Variants in JADE1 observed in about 807,000 individuals in gnomAD.
The protein encoded by JADE1 is protein Jade-1.
A neutral mutation model predicts 81.8 loss-of-function variants in JADE1; 14 were observed. The observed-to-expected ratio is 0.17, with a 90% CI of 0.11 to 0.27. The LOEUF (loss-of-function observed/expected upper bound fraction) is 0.27. JADE1 is among the 10% of genes least tolerant of loss of function. JADE1 has a pLI of 1.00. For missense variants in JADE1, 690 were observed against 1,047.9 expected, an observed-to-expected ratio of 0.66 and a Z score of 4.71; for synonymous variants, 353 against 391.9, an observed-to-expected ratio of 0.90 and a Z score of 1.17.
rs1489425917 is a variant in JADE1 at position 128,874,745 on chromosome 4, T to TTATC, written c.*2485_*2488dup. 1 of 152,624 alleles carries TTATC rather than the reference T, an allele frequency of 6.6e-6. No individual in the cohort carries two copies. The highest frequency in any genetic ancestry group is 2.4e-5 in the African/African-American group (1 of 41,446). 9.5% of individuals were successfully genotyped at this position (152,624 alleles called of 1,614,324 possible). A position where few individuals can be genotyped will look rare whatever the true frequency, so the allele number is the denominator to read the frequency against. On this transcript the variant is annotated 3_prime_UTR_variant, in exon 11 of 11. Transcript: ENST00000226319. ...CATTTGCATTTGTTTTTTTTAAGCT[T>TTATC]TATCTTTCCTTGTGCATCCTGACCA...
chr4:128,819,898 G>C (rs539802354), intron 1 of JADE1, among the ~76,000 whole-genome samples: 204 of 152,300 alleles, frequency 1.3e-3, no homozygotes, highest in Middle Eastern at 6.8e-3. Context: ...CACAGGAGGA[G>C]AGTGCCCCTC....
chr4:128,839,491 T>C lies in JADE1; in HGVS notation c.53-3462T>C, dbSNP rs189368935. 3.9e-5 allele frequency among the ~76,000 whole-genome samples: 6 copies of C among 152,350 alleles called. No individual in the cohort carries two copies. In the East Asian group the frequency reaches 1.2e-3, roughly 29 times the overall value. The stretch of plus-strand genomic sequence containing the variant: ...GCCTCTGAGCCTCATATATTTAAAT[T>C]GTGTACTTTGATACGTTTTGACATG... On this transcript the variant is annotated intron_variant, in intron 2 of 10. Coordinates refer to ENST00000226319, the MANE Select transcript of JADE1 (RefSeq NM_199320.4).
intron 1 of JADE1, among the ~76,000 whole-genome samples, chr4:128,814,532 G>T (rs576880787): frequency 6.6e-6 from 1 of 151,230 alleles, no homozygotes; most frequent in Non-Finnish European, 1.5e-5. Flanking sequence ...TAATAAAAAT[G>T]AGATACATGA....
chr4:128,833,577 C>T (rs1415262508), intron 2 of JADE1, among the ~76,000 whole-genome samples: 1 of 152,054 alleles, frequency 6.6e-6, no homozygotes, highest in East Asian at 1.9e-4. Flanking sequence ...TGCCTGTAGT[C>T]CAGCTACTCG....
chr4:128,859,183 T>C (rs115486685), intron 8 of JADE1, among the ~76,000 whole-genome samples: 2,337 of 151,994 alleles, frequency 0.015, 28 homozygotes, highest in Non-Finnish European at 0.024. Context: ...TGTGTGTGTG[T>C]ATGCATGTGT....
At chr4:128,834,244 A>C (rs1349411247) in intron 2 of JADE1, among the ~76,000 whole-genome samples, 3 of 152,206 alleles carry the variant, frequency 2.0e-5, no homozygotes, top group Non-Finnish European at 2.9e-5. Flanking sequence ...AGTCCAAGGT[A>C]CTGGCAGGTG....
At chr4:128,848,511 C>CT (rs543665126) in intron 4 of JADE1, among the ~76,000 whole-genome samples, 81 of 151,668 alleles carry the variant, frequency 5.3e-4, no homozygotes, top group African/African-American at 1.8e-3. Flanking sequence ...CTCTCTCCCT[C>CT]TTTTTTTTTG....
At chr4:128,818,180 G>A (rs1284211771) in intron 1 of JADE1, among the ~76,000 whole-genome samples, 6 of 151,930 alleles carry the variant, frequency 3.9e-5, no homozygotes, top group Non-Finnish European at 8.8e-5. Context: ...GAGTGCAGTG[G>A]CATGATCTGG....
intron 2 of JADE1, among the ~76,000 whole-genome samples, chr4:128,835,125 A>G (rs74351036): frequency 2.0e-5 from 3 of 152,300 alleles, no homozygotes; most frequent in African/African-American, 7.2e-5. Context: ...GAATTAAGGT[A>G]AATATTTATA....
At position 128,871,934 on chromosome 4, in the gene JADE1, C is replaced by T; in HGVS notation, c.2201C>T (p.Ala734Val). Residue 734 changes from alanine (A) to valine (V), a missense_variant, in exon 11 of 11, where the codon GCA becomes GTA. By Grantham distance (64) the Ala-to-Val change is moderately conservative (BLOSUM62 0). Coordinates refer to ENST00000226319, the MANE Select transcript of JADE1 (RefSeq NM_199320.4). The surrounding 1 kb of genome is among the most constrained non-coding windows in gnomAD (Gnocchi z 4.1). ...SLIKVNYNQT[A>V]VKVPTTPASP... ...ATCAAAGTAAACTATAATCAGACTG[C>T]AGTCAAAGTGCCTACAACACCTGCC... The T allele has an allele frequency of 6.2e-7, 1 of 1,614,032 alleles. No individual in the cohort carries two copies. The highest frequency in any genetic ancestry group is 2.2e-5 in the East Asian group (1 of 44,822).
chr4:128,839,657 C>CT (rs67592201), intron 2 of JADE1, among the ~76,000 whole-genome samples: 41 of 148,192 alleles, frequency 2.8e-4, no homozygotes, highest in South Asian at 6.4e-4. Flanking sequence ...AATATGGACT[C>CT]TTTTTTTTTT....
intron 1 of JADE1, among the ~76,000 whole-genome samples, chr4:128,818,136 T>C (rs1727208743): frequency 6.6e-6 from 1 of 152,072 alleles, no homozygotes; most frequent in East Asian, 1.9e-4. Flanking sequence ...CTTTTTTTTT[T>C]TTGAGATAGA....
At chr4:128,835,847 A>G (rs1728937680) in intron 2 of JADE1, among the ~76,000 whole-genome samples, 1 of 152,184 alleles carries the variant, frequency 6.6e-6, no homozygotes, top group African/African-American at 2.4e-5. Context: ...GTCCAGAGGA[A>G]TACCAGTGTG....
chr4:128,852,149 G>A lies in JADE1; in HGVS notation c.577G>A (p.Glu193Lys). 6.2e-7 allele frequency: 1 copy of A among 1,614,168 alleles called. No individual in the cohort carries two copies. The highest frequency in any genetic ancestry group is 8.5e-7 in the Non-Finnish European group (1 of 1,180,002). The change falls in exon 6 of 11, where the codon GAG becomes AAG. Residue 193 changes from glutamate to lysine, a missense_variant. Around this residue, in one of 8 missense-constraint regions of JADE1, gnomAD observed 84 missense variants for 226.6 expected, o/e 0.37. Transcript: ENST00000226319. ...YDNMNHAIET[E>K]EGLGIEYDED... ...CAATATGAATCATGCCATAGAGACT[G>A]AGGAAGGCCTGGGGATCGAATATGA...
Position 128,852,078 on chromosome 4 carries a change from A to G in JADE1, c.506A>G (p.Tyr169Cys). The change falls in exon 6 of 11, where the codon TAC (tyrosine) becomes TGC (cysteine). Residue 169 changes from tyrosine (Y) to cysteine (C), a missense_variant. Tyr to Cys is a radical substitution (Grantham distance 194). Coordinates refer to ENST00000226319, the MANE Select transcript of JADE1 (RefSeq NM_199320.4). Reference protein sequence around the residue: ...KEMGMPELDEYTMERVLEEFE... With the variant: ...KEMGMPELDECTMERVLEEFE... Reference sequence around the variant, plus strand: ...TCAGGAATGCCTGAACTAGATGAATACACCATGGAGAGGGTCCTAGAGGAA... The same window carrying G: ...TCAGGAATGCCTGAACTAGATGAATGCACCATGGAGAGGGTCCTAGAGGAA... 6.2e-7 allele frequency: 1 copy of G among 1,614,002 alleles called. No homozygotes were observed. The highest frequency in any genetic ancestry group is 8.5e-7 in the Non-Finnish European group (1 of 1,179,840).
chr4:128,866,366 A>C (rs1278145553), intron 9 of JADE1, among the ~76,000 whole-genome samples: 1 of 152,212 alleles, frequency 6.6e-6, no homozygotes, highest in Non-Finnish European at 1.5e-5. Context: ...TGTTAGGGGC[A>C]GGAGAAGCCT....
chr4:128,811,525 T>G (rs1471547816), intron 1 of JADE1: 2 of 151,378 alleles, frequency 1.3e-5, no homozygotes, highest in Non-Finnish European at 2.9e-5. Context: ...GCCTCTGGTG[T>G]TTGAGGAGAG....
rs1281948395 is a variant in JADE1, at chr4:128,846,551, C to T, written c.296+19C>T. 1.9e-6 allele frequency: 3 copies of T among 1,613,034 alleles called. No homozygotes were observed. Among genetic ancestry groups the T allele is most frequent in the Admixed American group, 1.7e-5 (1 of 59,952 alleles). On this transcript the variant is annotated intron_variant, in intron 4 of 10. Coordinates refer to ENST00000226319, the MANE Select transcript of JADE1 (RefSeq NM_199320.4). The surrounding 1 kb of genome is among the most constrained non-coding windows in gnomAD (Gnocchi z 4.0). The stretch of plus-strand genomic sequence containing the variant: ...TGGCCAGGTAGAGATGCCCTGAGGA[C>T]AGAAGCCTCTCCACCCACCCTTGCT...
At chr4:128,824,653 TA>T (rs1727884207) in intron 1 of JADE1, among the ~76,000 whole-genome samples, 1 of 152,182 alleles carries the variant, frequency 6.6e-6, no homozygotes, top group African/African-American at 2.4e-5. Flanking sequence ...GGAGTGAACA[TA>T]AGGTAACAGT....
Sources: allele counts gnomAD v4.1 joint callset (sites outside exome capture counted in the v4.1 genomes callset), GRCh38; gene constraint gnomAD v4.1.1; regional missense constraint gnomAD v4.1.1; non-coding constraint Gnocchi (gnomAD v3.1); transcripts MANE v1.5; gene names NCBI Gene and HGNC (gene_info 2026-07-23, HGNC 2026-07-21).